The following SEPTIN10 variants were observed in gnomAD, a reference collection of about 807,000 sequenced individuals.
SEPTIN10 encodes septin 10.
A neutral mutation model predicts 54.8 loss-of-function variants in SEPTIN10; 66 were observed. That is an observed-to-expected ratio of 1.21 (90% confidence interval 0.99 to 1.48). The LOEUF (loss-of-function observed/expected upper bound fraction) is 1.48, where lower values mean the gene tolerates loss of function less well. SEPTIN10 is among the 40% of genes most tolerant of loss of function. SEPTIN10 has a pLI of 0.00. For missense variants in SEPTIN10, 620 were observed against 545.6 expected (o/e 1.14, Z -1.36); for synonymous variants, 161 against 181.0 (o/e 0.89, Z 0.89).
intron 8 of SEPTIN10, among the ~76,000 whole-genome samples, chr2:109,560,739 T>C (rs1338450885): frequency 6.6e-6 from 1 of 152,162 alleles, no homozygotes; most frequent in Non-Finnish European, 1.5e-5. Context: ...CTAGTCCTCC[T>C]TCAGCCATAC....
At chr2:109,561,068 TC>T (rs59146376) in intron 8 of SEPTIN10, among the ~76,000 whole-genome samples, 6,573 of 152,138 alleles carry the variant, frequency 0.043, 430 homozygotes, top group African/African-American at 0.15. Context: ...AGCGTTGCCT[TC>T]CCCTTAGGAC....
rs1699854538 is a variant in SEPTIN10, at chr2:109,613,819, G to A, written c.9C>T (p.Ser3=). MA[S]SEVARHLLFQ... is the part of the protein sequence containing the mutation. ...TCACCAGGTGCCGCGCCACCTCGGA[G>A]GAGGCCATGGTCGCGGGCAGGGGCA... Residue 3 remains serine (S), a synonymous_variant, in exon 1 of 11, where the codon TCC becomes TCT. Coordinates refer to ENST00000397712, the MANE Select transcript of SEPTIN10 (RefSeq NM_144710.5). 1.6e-6 allele frequency: 2 copies of A among 1,235,876 alleles called. No homozygotes were observed. Among genetic ancestry groups the A allele is most frequent in the Non-Finnish European group, 2.0e-6 (2 of 990,824 alleles). The allele number at this position is 1,235,876 out of a possible 1,614,324, so 76.6% of individuals were successfully genotyped here. A position where few individuals can be genotyped will look rare whatever the true frequency, so the allele number is the denominator to read the frequency against.
chr2:109,564,518 G>C lies in SEPTIN10; in HGVS notation c.876C>G (p.His292Gln), dbSNP rs1412789952. ...WGVVQVENENHCDFVKLREML... is the reference protein window; with the variant it reads ...WGVVQVENENQCDFVKLREML... The stretch of plus-strand genomic sequence containing the variant: ...TTTCCCGCAGCTTTACAAAGTCACA[G>C]TGGTTTTCATTTTCCACTAGCCAAA... Residue 292 changes from histidine (H) to glutamine (Q), a missense_variant, in exon 8 of 11, where the codon CAC (histidine) becomes CAG (glutamine). Transcript: ENST00000397712. 3 of 1,520,424 alleles carry C rather than the reference G, an allele frequency of 2.0e-6. No individual in the cohort carries two copies. Among genetic ancestry groups the C allele is most frequent in the Non-Finnish European group, 2.7e-6 (3 of 1,126,822 alleles). The allele number at this position is 1,520,424 out of a possible 1,614,324, so 94.2% of individuals were successfully genotyped here.
chr2:109,552,068 CA>C (rs1392844621), intron 9 of SEPTIN10, among the ~76,000 whole-genome samples: 1 of 151,858 alleles, frequency 6.6e-6, no homozygotes, highest in Non-Finnish European at 1.5e-5. Flanking sequence ...TCAGTGGTGG[CA>C]TTAGATTCCC....
Position 109,566,384 on chromosome 2 carries a change from T to C in SEPTIN10, c.763-525A>G, listed in dbSNP as rs547166041. 4.6e-5 allele frequency among the ~76,000 whole-genome samples: 7 copies of C among 151,984 alleles called. No individual in the cohort carries two copies. The East Asian group carries it at 1.4e-3, about 30-fold the overall frequency. ...GATCCACCTGTCTTGGGATTATAGGTGTGAGCCCTATAATCCCAAAGTGCT... is the reference window on the plus strand; with the variant it reads ...GATCCACCTGTCTTGGGATTATAGGCGTGAGCCCTATAATCCCAAAGTGCT... On this transcript the variant is annotated intron_variant, in intron 6 of 10. Coordinates refer to ENST00000397712, the MANE Select transcript of SEPTIN10 (RefSeq NM_144710.5).
At chr2:109,559,013 A>C (rs28520382) in intron 8 of SEPTIN10, among the ~76,000 whole-genome samples, 1 of 151,908 alleles carries the variant, frequency 6.6e-6, no homozygotes, top group East Asian at 1.9e-4. Flanking sequence ...AGCCTCCCAC[A>C]TAGCTGGGCT....
chr2:109,560,022 G>A (rs1038870771), intron 8 of SEPTIN10, among the ~76,000 whole-genome samples: 4 of 146,962 alleles, frequency 2.7e-5, no homozygotes, highest in African/African-American at 7.6e-5. Context: ...CTAGGTTCAC[G>A]CCATTCTCCT....
chr2:109,574,166 T>C (rs1053940185), intron 5 of SEPTIN10, among the ~76,000 whole-genome samples: 1 of 152,032 alleles, frequency 6.6e-6, no homozygotes, highest in Non-Finnish European at 1.5e-5. Context: ...GCGCTGGGCA[T>C]GGTGGCTCAT....
chr2:109,598,121 G>A (rs1695713451), intron 1 of SEPTIN10, among the ~76,000 whole-genome samples: 1 of 152,066 alleles, frequency 6.6e-6, no homozygotes, highest in African/African-American at 2.4e-5. Flanking sequence ...GGAGTGCAAT[G>A]GCGTGATCTC....
chr2:109,613,207 C>G (rs1699654942), intron 1 of SEPTIN10: 2 of 1,283,058 alleles, frequency 1.6e-6, no homozygotes, highest in South Asian at 2.5e-5. Context: ...TACTAACAAG[C>G]GAGATAAATC....
At chr2:109,585,540 A>G (rs536468915) in intron 3 of SEPTIN10, among the ~76,000 whole-genome samples, 181 bp downstream of exon 3, 28 of 152,350 alleles carry the variant, frequency 1.8e-4, no homozygotes, top group African/African-American at 5.8e-4. Context: ...AGATGTTTAT[A>G]TAACAAGCCA....
At chr2:109,612,920 C>T (rs1699567916) in intron 1 of SEPTIN10, among the ~76,000 whole-genome samples, 1 of 152,354 alleles carries the variant, frequency 6.6e-6, no homozygotes, top group African/African-American at 2.4e-5. Flanking sequence ...ACTGTTTCTA[C>T]AATTTAAACT....
chr2:109,577,637 G>A (rs951317677), intron 4 of SEPTIN10, among the ~76,000 whole-genome samples: 80 of 151,206 alleles, frequency 5.3e-4, no homozygotes, highest in African/African-American at 1.8e-3. Context: ...GAACTCGGTC[G>A]GATAGTGGCT....
intron 4 of SEPTIN10, among the ~76,000 whole-genome samples, chr2:109,577,240 T>G (rs1026394186): frequency 2.0e-5 from 3 of 152,214 alleles, no homozygotes; most frequent in Middle Eastern, 3.4e-3. Context: ...ACACAGAAAT[T>G]TTTGGTTAAT....
At chr2:109,596,591 T>C (rs901054633) in intron 1 of SEPTIN10, among the ~76,000 whole-genome samples, 20 of 151,154 alleles carry the variant, frequency 1.3e-4, no homozygotes, top group African/African-American at 3.7e-4. Context: ...CACTCCAGCC[T>C]GGCAGACAGC....
intron 8 of SEPTIN10, among the ~76,000 whole-genome samples, chr2:109,559,910 CCTTT>C (rs1431281546): frequency 2.3e-5 from 3 of 132,420 alleles, no homozygotes; most frequent in Admixed American, 8.0e-5. Context: ...CCAACCAATG[CCTTT>C]TTTTTTTTTT....
chr2:109,589,807 T>C (rs573417459), intron 2 of SEPTIN10, among the ~76,000 whole-genome samples: 1 of 152,066 alleles, frequency 6.6e-6, no homozygotes, highest in Admixed American at 6.5e-5. Flanking sequence ...TGCATCAATG[T>C]TCACAGCAGT....
At chr2:109,563,592 C>A (rs1346274873) in intron 8 of SEPTIN10, among the ~76,000 whole-genome samples, 1 of 152,146 alleles carries the variant, frequency 6.6e-6, no homozygotes, top group Admixed American at 6.5e-5. Context: ...GGATACAGCA[C>A]CATATAAAAT....
At chr2:109,590,435 T>TC (rs1693775665) in intron 2 of SEPTIN10, among the ~76,000 whole-genome samples, 5 of 150,136 alleles carry the variant, frequency 3.3e-5, no homozygotes, top group Non-Finnish European at 4.5e-5. Context: ...TTTTTTTTTT[T>TC]CCTTTTTTCT....
Sources: allele counts gnomAD v4.1 joint callset (sites outside exome capture counted in the v4.1 genomes callset), GRCh38; gene constraint gnomAD v4.1.1; transcripts MANE v1.5; gene names NCBI Gene and HGNC (gene_info 2026-07-23, HGNC 2026-07-21).